Variants in RELN observed in about 807,000 individuals in gnomAD.
The protein encoded by RELN is reelin.
A neutral mutation model predicts 427.6 loss-of-function variants in RELN; 108 were observed. The ratio of observed to expected loss-of-function variants is 0.25; its 90% confidence interval spans 0.22 to 0.30. RELN has a LOEUF of 0.30. RELN is among the 10% of genes least tolerant of loss of function. The pLI, the probability that RELN is intolerant of heterozygous loss-of-function variation, is 1.00. For missense variants in RELN, 3,715 were observed against 4,302.8 expected (o/e 0.86, Z 3.82); for synonymous variants, 1,524 against 1,513.4 (o/e 1.01, Z -0.16).
intron 9 of RELN, 34 bp downstream of exon 9, chr7:103,700,876 A>C (rs374738741): frequency 6.0e-6 from 8 of 1,323,064 alleles, no homozygotes; most frequent in Non-Finnish European, 8.7e-6. Context: ...CATCTATGTC[A>C]GAATTTATGA....
intron 2 of RELN, among the ~76,000 whole-genome samples, chr7:103,906,476 T>TGAAAAGTAAGCC (rs1795206791): frequency 6.6e-6 from 1 of 152,162 alleles, no homozygotes; most frequent in Non-Finnish European, 1.5e-5. Flanking sequence ...CTAAGCCTGA[T>TGAAAAGTAAGCC]GAAAAGTAAG....
chr7:103,553,766 C>A lies in RELN; in HGVS notation c.5863G>T (p.Val1955Leu). The A allele has an allele frequency of 6.2e-7, 1 of 1,613,986 alleles. No individual in the cohort carries two copies. Among genetic ancestry groups the A allele is most frequent in the South Asian group, 1.1e-5 (1 of 91,076 alleles). The change falls in exon 39 of 65, where the codon GTG becomes TTG. Residue 1955 changes from valine (V) to leucine (L), a missense_variant. Coordinates refer to ENST00000428762, the MANE Select transcript of RELN (RefSeq NM_005045.4). ...IIDGNNVNNP[V>L]MLLDTFDFGP... ...AAATCAAATGTATCCAAGAGCATCA[C>A]AGGGTTGTTTACATTATTTCCATCG...
chr7:103,578,545 G>A (rs1463100253), intron 28 of RELN, among the ~76,000 whole-genome samples: 2 of 152,122 alleles, frequency 1.3e-5, no homozygotes, highest in Admixed American at 1.3e-4. Context: ...ACCTCAGCAC[G>A]TTTTGCTTCA....
chr7:103,848,141 C>A (rs1020568345), intron 2 of RELN, among the ~76,000 whole-genome samples: 3 of 152,114 alleles, frequency 2.0e-5, no homozygotes, highest in African/African-American at 7.2e-5. Context: ...TGGAGTTAGA[C>A]AAGGGTTACC....
chr7:103,746,045 C>A (rs1405402602), intron 6 of RELN, among the ~76,000 whole-genome samples: 1 of 152,088 alleles, frequency 6.6e-6, no homozygotes, highest in Non-Finnish European at 1.5e-5. Flanking sequence ...ACCAAAACAG[C>A]ATGGTACTGG....
At chr7:103,688,341 C>T (rs1035810023) in intron 10 of RELN, among the ~76,000 whole-genome samples, 1 of 152,058 alleles carries the variant, frequency 6.6e-6, no homozygotes, top group Non-Finnish European at 1.5e-5. Flanking sequence ...AAGCACATTT[C>T]TGAAAAGTAA....
intron 6 of RELN, among the ~76,000 whole-genome samples, chr7:103,733,345 C>T (rs1790404085): frequency 6.7e-6 from 1 of 148,482 alleles, no homozygotes; most frequent in Admixed American, 6.8e-5. Context: ...GTAGGTGGGA[C>T]TGTAAACTAG....
At position 103,572,274 on chromosome 7, in the gene RELN, A is replaced by T. The variant is rs1448049781; in HGVS notation, c.4512-14T>A. The T allele has an allele frequency of 7.3e-7, 1 of 1,372,948 alleles. No homozygotes were observed. 85.0% of individuals were successfully genotyped at this position (1,372,948 alleles called of 1,614,324 possible). ...AATTGAACAAGTCTGGGGAATAAAAACTTTAGTTTACTTACAAACAAGAGT... is the reference window on the plus strand; with the variant it reads ...AATTGAACAAGTCTGGGGAATAAAATCTTTAGTTTACTTACAAACAAGAGT... On this transcript the variant is annotated splice_polypyrimidine_tract_variant and intron_variant, in intron 30 of 64. Coordinates refer to ENST00000428762, the MANE Select transcript of RELN (RefSeq NM_005045.4).
At chr7:103,732,247 C>G (rs934474398) in intron 6 of RELN, among the ~76,000 whole-genome samples, 2 of 152,052 alleles carry the variant, frequency 1.3e-5, no homozygotes, top group Non-Finnish European at 2.9e-5. Context: ...GAGAAAAGGT[C>G]CAAGAATGAA....
chr7:103,561,391 T>C (rs1830637921), intron 36 of RELN, 141 bp downstream of exon 36: 7 of 763,072 alleles, frequency 9.2e-6, no homozygotes, highest in Non-Finnish European at 1.6e-5. Context: ...AGAGGAAACA[T>C]GGTTTGGGCT....
intron 2 of RELN, among the ~76,000 whole-genome samples, chr7:103,872,899 T>G (rs1346697733): frequency 6.6e-6 from 1 of 151,692 alleles, no homozygotes; most frequent in East Asian, 2.0e-4. Context: ...TCGCCCACTT[T>G]TTGATGGGGT....
chr7:103,977,310 C>CAAAAAAAAAAAAAAAAAA (rs201026012), intron 1 of RELN, among the ~76,000 whole-genome samples: 1 of 88,262 alleles, frequency 1.1e-5, no homozygotes, highest in Non-Finnish European at 2.1e-5. Flanking sequence ...GACTCTGTCT[C>CAAAAAAAAAAAAAAAAAA]AAAAAAAAAA....
At chr7:103,917,211 A>G (rs546424978) in intron 1 of RELN, 26 bp from the exon 2 acceptor site, 2 of 1,510,162 alleles carry the variant, frequency 1.3e-6, no homozygotes, top group Admixed American at 3.3e-5. Flanking sequence ...GAAAAAAAAA[A>G]CTCTCAATAC....
At chr7:103,507,679 G>C (rs1367163150) in intron 51 of RELN, among the ~76,000 whole-genome samples, 1 of 152,010 alleles carries the variant, frequency 6.6e-6, no homozygotes, top group Non-Finnish European at 1.5e-5. Flanking sequence ...AAATAACTAA[G>C]ATCAGAGCAG....
intron 1 of RELN, among the ~76,000 whole-genome samples, chr7:103,963,012 A>G (rs1161229865): frequency 1.3e-5 from 2 of 152,194 alleles, no homozygotes; most frequent in Admixed American, 6.5e-5. Context: ...GGTGTGCCAG[A>G]GAAGGAAACA....
intron 2 of RELN, among the ~76,000 whole-genome samples, chr7:103,839,291 C>T (rs1793491707): frequency 7.0e-6 from 1 of 143,504 alleles, no homozygotes; most frequent in East Asian, 2.1e-4. Flanking sequence ...TATGACTATA[C>T]AGTGGTCTTT....
intron 20 of RELN, among the ~76,000 whole-genome samples, chr7:103,613,030 T>C (rs1168643442): frequency 6.6e-6 from 1 of 152,254 alleles, no homozygotes; most frequent in African/African-American, 2.4e-5. Flanking sequence ...ACTTGTTTAT[T>C]ATTATTGTTA....
At chr7:103,815,343 C>T (rs1792844825) in intron 3 of RELN, among the ~76,000 whole-genome samples, 1 of 152,106 alleles carries the variant, frequency 6.6e-6, no homozygotes. Flanking sequence ...TAAAATAAAT[C>T]TTTGCTCACT....
In RELN at chr7:103,519,376, G is replaced by T; in HGVS notation, c.7809C>A (p.Gly2603=). The change falls in exon 49 of 65, where the codon GGC becomes GGA. Residue 2603 remains glycine (G), a synonymous_variant. Coordinates refer to ENST00000428762, the MANE Select transcript of RELN (RefSeq NM_005045.4). ...GVLLEYSVNG[G]ITWNLLMEIF... is the part of the protein sequence containing the mutation. ...TCTCCATGAGCAGGTTCCAGGTAATGCCTCCATTGACAGAATATTCCAAGA... is the reference window on the plus strand; with the variant it reads ...TCTCCATGAGCAGGTTCCAGGTAATTCCTCCATTGACAGAATATTCCAAGA... 6.2e-7 allele frequency: 1 copy of T among 1,614,048 alleles called. No homozygotes were observed. Among genetic ancestry groups the T allele is most frequent in the Non-Finnish European group, 8.5e-7 (1 of 1,179,938 alleles).
Sources: gnomAD v4.1 joint callset for allele counts (sites outside exome capture counted in the v4.1 genomes callset) on GRCh38, gnomAD v4.1.1 for gene constraint, MANE v1.5 for transcripts, NCBI Gene and HGNC (gene_info 2026-07-23, HGNC 2026-07-21) for gene names.